The following PDE1C variants were observed in gnomAD, a reference collection of about 807,000 sequenced individuals.
PDE1C encodes the protein phosphodiesterase 1C.
A neutral mutation model predicts 93.1 loss-of-function variants in PDE1C; 62 were observed. That is an observed-to-expected ratio of 0.67 (90% CI 0.54 to 0.82). The LOEUF is 0.82. Ranked by LOEUF, PDE1C falls within the 40% of genes least tolerant of loss-of-function variation. PDE1C has a pLI of 0.00. For missense variants in PDE1C, 742 were observed against 884.6 expected (o/e 0.84, Z 2.04); for synonymous variants, 325 against 310.1 (o/e 1.05, Z -0.50).
intron 2 of PDE1C, among the ~76,000 whole-genome samples, chr7:32,027,002 G>A (rs997182593): frequency 5.3e-5 from 8 of 152,150 alleles, no homozygotes; most frequent in Non-Finnish European, 1.2e-4. Flanking sequence ...GTAATTGCCA[G>A]GGGTTTGGAG....
At position 31,942,204 on chromosome 7, in the gene PDE1C, C is replaced by G. The variant is rs1035324611; in HGVS notation, c.129-61344G>C. 7.9e-5 allele frequency among the ~76,000 whole-genome samples: 12 copies of G among 152,214 alleles called. No homozygotes were observed. In the East Asian group the frequency reaches 2.3e-3, roughly 29 times the overall value. On this transcript the variant is annotated intron_variant, in intron 2 of 17. Coordinates refer to ENST00000396191, the MANE Select transcript of PDE1C (RefSeq NM_001191057.4). ...CCATAAGTTCCGGAGTTTGTGGAGG[C>G]CTTGTTTCAAAGCTCAGGGCAGAAA...
chr7:32,064,493 C>T (rs1795152581), intron 1 of PDE1C, among the ~76,000 whole-genome samples: 1 of 152,134 alleles, frequency 6.6e-6, no homozygotes, highest in South Asian at 2.1e-4. Context: ...AGCAGCGCTA[C>T]CCCAAATCAG....
intron 1 of PDE1C, among the ~76,000 whole-genome samples, chr7:32,359,429 C>T (rs1189774349): frequency 6.6e-6 from 1 of 151,136 alleles, no homozygotes; most frequent in Non-Finnish European, 1.5e-5. Context: ...GTATATGACT[C>T]ATTTATTTTA....
intron 2 of PDE1C, among the ~76,000 whole-genome samples, chr7:31,892,084 A>G (rs2128901472): frequency 1.3e-5 from 2 of 152,346 alleles, no homozygotes; most frequent in Middle Eastern, 3.4e-3. Flanking sequence ...AATATTGATG[A>G]CAAAAGGCTG....
chr7:31,837,209 T>G lies in PDE1C; in HGVS notation c.1174A>C (p.Met392Leu). 1 of 1,613,714 alleles carries G rather than the reference T, an allele frequency of 6.2e-7. No individual in the cohort carries two copies. The highest frequency in any genetic ancestry group is 2.2e-5 in the East Asian group (1 of 44,816). The change falls in exon 11 of 18, where the codon ATG (methionine) becomes CTG (leucine). Residue 392 changes from methionine to leucine, a missense_variant. Met to Leu is a conservative substitution (Grantham distance 15, BLOSUM62 2). Transcript: ENST00000396191. ...KAWDLHHRWT[M>L]SLLEEFFRQG... ...CTGAAGAACTCCTCCAGGAGTGACATTGTCCAGCGATGATGGAGGTCCCAT... is the reference window on the plus strand; with the variant it reads ...CTGAAGAACTCCTCCAGGAGTGACAGTGTCCAGCGATGATGGAGGTCCCAT...
chr7:32,202,989 T>G (rs1562573839), intron 2 of PDE1C, among the ~76,000 whole-genome samples: 1 of 152,164 alleles, frequency 6.6e-6, no homozygotes, highest in African/African-American at 2.4e-5. Flanking sequence ...AACAACTTCC[T>G]GTTTGCTCCT....
rs1180352415 is a variant in PDE1C, at chr7:31,751,997, C to T, written c.*1387G>A. On this transcript the variant is annotated 3_prime_UTR_variant, in exon 18 of 18. Transcript: ENST00000396191. ...AGCTACTTCTGTTATGCACCTATTA[C>T]TGGCCAGGCTCAGCCACAGCAACCA... The T allele has an allele frequency of 6.6e-6, 1 of 152,206 alleles. No homozygotes were observed. Among genetic ancestry groups the T allele is most frequent in the Non-Finnish European group, 1.5e-5 (1 of 68,052 alleles). The allele number at this position is 152,206 out of a possible 1,614,324, so 9.4% of individuals were successfully genotyped here. A position where few individuals can be genotyped will look rare whatever the true frequency, so the allele number is the denominator to read the frequency against.
At chr7:32,056,659 G>A (rs1220514204) in intron 1 of PDE1C, among the ~76,000 whole-genome samples, 1 of 152,180 alleles carries the variant, frequency 6.6e-6, no homozygotes, top group African/African-American at 2.4e-5. Flanking sequence ...CATAGTGCTG[G>A]GCATCCTGGA....
intron 1 of PDE1C, among the ~76,000 whole-genome samples, chr7:32,344,079 T>G (rs977037251): frequency 6.6e-6 from 1 of 152,214 alleles, no homozygotes; most frequent in Non-Finnish European, 1.5e-5. Context: ...TATTTTTTAT[T>G]TATTTGTTTT....
chr7:31,657,898 C>T, the PDE1C span, among the ~76,000 whole-genome samples: 1 of 152,118 alleles, frequency 6.6e-6, no homozygotes, highest in South Asian at 2.1e-4. Flanking sequence ...TGATTATTTT[C>T]AAATTTAGAA....
the PDE1C span, among the ~76,000 whole-genome samples, chr7:31,700,823 T>A: frequency 1.3e-5 from 2 of 152,130 alleles, no homozygotes; most frequent in South Asian, 2.1e-4. Context: ...TAAATGGAAC[T>A]ACAAAGCCTG....
At chr7:31,622,879 AAAGAG>A in the PDE1C span, among the ~76,000 whole-genome samples, 2 of 152,212 alleles carry the variant, frequency 1.3e-5, no homozygotes, top group African/African-American at 2.4e-5. Context: ...ATAAAGAAGA[AAAGAG>A]AAGACTCAAA....
At chr7:31,665,683 G>C in the PDE1C span, among the ~76,000 whole-genome samples, 24 of 152,262 alleles carry the variant, frequency 1.6e-4, no homozygotes, top group East Asian at 1.7e-3. Context: ...GTTGCAAACT[G>C]GACTTCTGGG....
At chr7:31,715,420 G>C in the PDE1C span, among the ~76,000 whole-genome samples, 1 of 152,102 alleles carries the variant, frequency 6.6e-6, no homozygotes, top group Admixed American at 6.5e-5. Context: ...TGTATTTTTA[G>C]TAGAGATGGG....
chr7:31,795,038 T>C (rs932061285), intron 16 of PDE1C, among the ~76,000 whole-genome samples: 3 of 151,910 alleles, frequency 2.0e-5, no homozygotes, highest in Admixed American at 6.6e-5. Context: ...GACTAATACT[T>C]AAGAAATGTA....
At chr7:32,122,462 T>C (rs545316936) in intron 3 of PDE1C, among the ~76,000 whole-genome samples, 33 of 152,232 alleles carry the variant, frequency 2.2e-4, no homozygotes, top group African/African-American at 6.3e-4. Context: ...AACCACATAA[T>C]TGGAAATAAC....
chr7:32,360,847 G>A lies in PDE1C; in HGVS notation c.310+66975C>T, dbSNP rs746595366. Among the ~76,000 whole-genome samples the A allele has an allele frequency of 2.6e-5, 4 of 152,278 alleles. No homozygotes were observed. The East Asian group carries it at 5.8e-4, about 22-fold the overall frequency. ...AAGACTTGGGATCGGAAAATATGAA[G>A]ACAAAGGCAATAGAAACCCATGAGG... is the stretch of plus-strand genomic sequence containing the variant. On this transcript the variant is annotated intron_variant, in intron 1 of 1. Transcript: ENST00000672256.
At chr7:32,334,480 G>A (rs1253829571) in intron 1 of PDE1C, among the ~76,000 whole-genome samples, 2 of 152,026 alleles carry the variant, frequency 1.3e-5, no homozygotes, top group African/African-American at 4.8e-5. Context: ...GTGGTGTTTG[G>A]TTACATGAGT....
intron 3 of PDE1C, among the ~76,000 whole-genome samples, chr7:32,150,259 G>C (rs1801159768): frequency 6.6e-6 from 1 of 152,182 alleles, no homozygotes; most frequent in Non-Finnish European, 1.5e-5. Flanking sequence ...TCGCAGCCCA[G>C]CTCTGGGAGA....
Sources: gnomAD v4.1 joint callset for allele counts (sites outside exome capture counted in the v4.1 genomes callset) on GRCh38, gnomAD v4.1.1 for gene constraint, MANE v1.5 for transcripts, NCBI Gene and HGNC (gene_info 2026-07-23, HGNC 2026-07-21) for gene names.